The following PPP2R2A variants were observed in gnomAD, a reference collection of about 807,000 sequenced individuals.
The protein encoded by PPP2R2A is protein phosphatase 2 regulatory subunit Balpha.
In PPP2R2A, 9 loss-of-function variants were observed where a neutral mutation model predicts 53.2. That is an observed-to-expected ratio of 0.17 (90% CI 0.10 to 0.30). The LOEUF (loss-of-function observed/expected upper bound fraction) is 0.30. Among genes scored for constraint, PPP2R2A ranks in the 10% least tolerant of loss-of-function variants. The pLI is 1.00. For missense variants in PPP2R2A, 235 were observed against 534.6 expected (o/e 0.44, Z 5.53); for synonymous variants, 169 against 174.2 (o/e 0.97, Z 0.23).
intron 2 of PPP2R2A, among the ~76,000 whole-genome samples, chr8:26,325,215 ATGT>A (rs1198609503): frequency 2.0e-5 from 3 of 151,658 alleles, no homozygotes; most frequent in African/African-American, 7.3e-5. Context: ...GAATTCCCAC[ATGT>A]TGTTGTGGGT....
rs1456354137 is a variant in PPP2R2A at position 26,352,731 on chromosome 8, C to T, written c.181-1737C>T. On this transcript the variant is annotated intron_variant, in intron 3 of 9. Coordinates refer to ENST00000380737, the MANE Select transcript of PPP2R2A (RefSeq NM_002717.4). ...TTTAGTAGACCTGTGTTGTTGTCCA[C>T]GAGTCTACAGGAAGATGTTCATGTT... Among the ~76,000 whole-genome samples the T allele has an allele frequency of 3.9e-5, 6 of 152,228 alleles. No homozygotes were observed. The East Asian group carries it at 7.7e-4, about 20-fold the overall frequency.
chr8:26,315,137 C>T (rs1445464972), intron 2 of PPP2R2A, among the ~76,000 whole-genome samples: 2 of 151,924 alleles, frequency 1.3e-5, no homozygotes, highest in East Asian at 3.8e-4. Flanking sequence ...CATCTATTTC[C>T]TTTGAGTTTC....
At chr8:26,335,195 A>G (rs138683540) in intron 2 of PPP2R2A, among the ~76,000 whole-genome samples, 19 of 152,258 alleles carry the variant, frequency 1.2e-4, no homozygotes, top group South Asian at 2.1e-4. Context: ...TTCTTGGTCT[A>G]TGAGCGGAAT....
chr8:26,325,037 C>T (rs903601812), intron 2 of PPP2R2A, among the ~76,000 whole-genome samples: 3 of 149,844 alleles, frequency 2.0e-5, no homozygotes, highest in Non-Finnish European at 3.0e-5. Flanking sequence ...CAACTTTGTA[C>T]TGTGGACTTT....
chr8:26,336,469 AC>A (rs1803666444), intron 2 of PPP2R2A, among the ~76,000 whole-genome samples: 1 of 151,826 alleles, frequency 6.6e-6, no homozygotes, highest in African/African-American at 2.4e-5. Flanking sequence ...TTCCCACCCC[AC>A]CCCTCAGTCT....
chr8:26,344,983 C>A (rs1180619445), intron 3 of PPP2R2A, among the ~76,000 whole-genome samples: 2 of 152,134 alleles, frequency 1.3e-5, no homozygotes, highest in Non-Finnish European at 2.9e-5. Flanking sequence ...TTCATATACA[C>A]CTTATACATA....
chr8:26,292,920 A>C (rs879749973), intron 1 of PPP2R2A, among the ~76,000 whole-genome samples: 1 of 152,206 alleles, frequency 6.6e-6, no homozygotes, highest in Non-Finnish European at 1.5e-5. Context: ...AAAAGTTAAC[A>C]TGTCGGATTG....
chr8:26,303,705 T>G (rs1294975625), intron 2 of PPP2R2A, among the ~76,000 whole-genome samples: 1 of 152,208 alleles, frequency 6.6e-6, no homozygotes, highest in Non-Finnish European at 1.5e-5. Flanking sequence ...CCAAAGTTTG[T>G]AGACTTCAGC....
At chr8:26,324,615 C>T (rs569604349) in intron 2 of PPP2R2A, among the ~76,000 whole-genome samples, 14 of 152,286 alleles carry the variant, frequency 9.2e-5, no homozygotes, top group Admixed American at 1.3e-4. Context: ...GGAGCCCCCA[C>T]ACAGAGTCCC....
intron 2 of PPP2R2A, among the ~76,000 whole-genome samples, chr8:26,323,601 C>T (rs1802947542): frequency 6.6e-6 from 1 of 152,132 alleles, no homozygotes; most frequent in African/African-American, 2.4e-5. Flanking sequence ...AAACATTTAC[C>T]ACTTTATTAT....
chr8:26,335,957 G>C (rs1803637658), intron 2 of PPP2R2A, among the ~76,000 whole-genome samples: 1 of 152,172 alleles, frequency 6.6e-6, no homozygotes, highest in Admixed American at 6.5e-5. Flanking sequence ...TGTTTCTGTT[G>C]CATCTTGCAA....
chr8:26,367,068 T>A (rs1805413119), intron 9 of PPP2R2A, among the ~76,000 whole-genome samples: 1 of 152,220 alleles, frequency 6.6e-6, no homozygotes, highest in Non-Finnish European at 1.5e-5. Context: ...AACTGACATT[T>A]AAAGTAATCA....
rs1805617200 is a variant in PPP2R2A, at chr8:26,370,536, A to G, written c.*123A>G. ...CCTTTCCAGTGTTTGACAGTGTGCC[A>G]TTCGACAACACATTGTTATAGCTAC... On this transcript the variant is annotated 3_prime_UTR_variant, in exon 10 of 10. Transcript: ENST00000380737. This position sits in a 1 kb window ranked among gnomAD's most constrained non-coding sequence, Gnocchi z 6.1. 1 of 1,074,816 alleles carries G rather than the reference A, an allele frequency of 9.3e-7. No individual in the cohort carries two copies. The allele number at this position is 1,074,816 out of a possible 1,614,324, so 66.6% of individuals were successfully genotyped here. A position where few individuals can be genotyped will look rare whatever the true frequency, so the allele number is the denominator to read the frequency against.
rs747564126 is a variant in PPP2R2A at position 26,362,887 on chromosome 8, T to C, written c.802+39T>C. Reference sequence around the variant, plus strand: ...ATCTTTCCTTAAAATGATTACATATTCTGTTTGTCTGAAATAAGCCTCAGA... The same window carrying C: ...ATCTTTCCTTAAAATGATTACATATCCTGTTTGTCTGAAATAAGCCTCAGA... On this transcript the variant is annotated intron_variant, in intron 7 of 9. Coordinates refer to ENST00000380737, the MANE Select transcript of PPP2R2A (RefSeq NM_002717.4). This position sits in a 1 kb window ranked among gnomAD's most constrained non-coding sequence, Gnocchi z 4.4. 6.4e-7 allele frequency: 1 copy of C among 1,572,656 alleles called. No individual in the cohort carries two copies. Among genetic ancestry groups the C allele is most frequent in the South Asian group, 1.1e-5 (1 of 89,232 alleles).
chr8:26,334,204 G>T (rs1408031471), intron 2 of PPP2R2A, among the ~76,000 whole-genome samples: 1 of 152,158 alleles, frequency 6.6e-6, no homozygotes, highest in East Asian at 1.9e-4. Flanking sequence ...ATTTTTCATT[G>T]TAAAATAACA....
intron 2 of PPP2R2A, among the ~76,000 whole-genome samples, chr8:26,300,190 TAAAAC>T (rs1450609023): frequency 1.3e-5 from 2 of 152,182 alleles, no homozygotes; most frequent in African/African-American, 4.8e-5. Flanking sequence ...GTTATTAAAA[TAAAAC>T]AAAAATTAGC....
Position 26,363,809 on chromosome 8 carries a change from T to A in PPP2R2A, c.891T>A (p.Gly297=). 6.2e-7 allele frequency: 1 copy of A among 1,609,804 alleles called. No homozygotes were observed. Residue 297 remains glycine, a synonymous_variant, in exon 8 of 10, where the codon GGT becomes GGA. Transcript: ENST00000380737. ...SISDVKFSHS[G]RYMMTRDYLS... ...CGGATGTAAAATTCAGCCATAGTGG[T>A]CGATATATGATGACTAGAGACTATT...
At chr8:26,330,653 A>G (rs1475384089) in intron 2 of PPP2R2A, among the ~76,000 whole-genome samples, 1 of 152,064 alleles carries the variant, frequency 6.6e-6, no homozygotes, top group Non-Finnish European at 1.5e-5. Flanking sequence ...GAGCATATTT[A>G]CAAAAGCTGT....
chr8:26,329,763 A>G (rs1803275286), intron 2 of PPP2R2A, among the ~76,000 whole-genome samples: 2 of 152,220 alleles, frequency 1.3e-5, no homozygotes, highest in Non-Finnish European at 2.9e-5. Context: ...CAGGGGATAG[A>G]GGCCACGACT....
Sources: gnomAD v4.1 joint callset for allele counts (sites outside exome capture counted in the v4.1 genomes callset) on GRCh38, gnomAD v4.1.1 for gene constraint, Gnocchi (gnomAD v3.1) non-coding constraint, MANE v1.5 for transcripts, NCBI Gene and HGNC (gene_info 2026-07-23, HGNC 2026-07-21) for gene names.